The following LIMD1 variants were observed in gnomAD, a reference collection of about 807,000 sequenced individuals.
LIMD1 encodes LIM domain containing 1.
A neutral mutation model predicts 58.4 loss-of-function variants in LIMD1; 23 were observed. That is an observed-to-expected ratio of 0.39 (90% confidence interval 0.28 to 0.56). The LOEUF is 0.56. LIMD1 is among the 20% of genes least tolerant of loss of function. LIMD1 has a pLI of 0.57. For missense variants in LIMD1, 838 were observed against 855.5 expected, an observed-to-expected ratio of 0.98 and a Z score of 0.25; for synonymous variants, 334 against 345.5, an observed-to-expected ratio of 0.97 and a Z score of 0.37.
In LIMD1 at chr3:45,594,961, C is replaced by T; in HGVS notation, c.82C>T (p.Leu28Phe). Residue 28 changes from leucine (L) to phenylalanine (F), a missense_variant, in exon 1 of 8, where the codon CTC (leucine) becomes TTC (phenylalanine). By Grantham distance (22) the Leu-to-Phe change is conservative. This residue lies in a region of LIMD1 where 659 missense variants were observed against 639.8 expected (regional missense o/e 1.03). Coordinates refer to ENST00000273317, the MANE Select transcript of LIMD1 (RefSeq NM_014240.3). ...CATGTATGAGGCCTCTAAGGATGGGCTCTTCCGAGTGGACAAGGGTGCAGG... is the reference window on the plus strand; with the variant it reads ...CATGTATGAGGCCTCTAAGGATGGGTTCTTCCGAGTGGACAAGGGTGCAGG... ...LNMYEASKDG[L>F]FRVDKGAGNN... is the part of the protein sequence containing the mutation. 1 of 1,613,788 alleles carries T rather than the reference C, an allele frequency of 6.2e-7. No homozygotes were observed. The highest frequency in any genetic ancestry group is 8.5e-7 in the Non-Finnish European group (1 of 1,180,022).
At chr3:45,645,902 A>G (rs1203367659) in intron 2 of LIMD1, among the ~76,000 whole-genome samples, 1 of 151,796 alleles carries the variant, frequency 6.6e-6, no homozygotes, top group Non-Finnish European at 1.5e-5. Context: ...GTTGCCCATC[A>G]GTGGATCCAT....
intron 1 of LIMD1, among the ~76,000 whole-genome samples, chr3:45,621,214 C>T (rs544928835): frequency 1.3e-5 from 2 of 152,088 alleles, no homozygotes; most frequent in Admixed American, 1.3e-4. Context: ...CCTCCCCTCC[C>T]CTCTCTTTTT....
intron 1 of LIMD1, among the ~76,000 whole-genome samples, chr3:45,632,239 C>T (rs917243939): frequency 7.2e-5 from 11 of 152,192 alleles, no homozygotes; most frequent in South Asian, 4.1e-4. Flanking sequence ...AGGGGACTTA[C>T]GATGGGTAAT....
At chr3:45,604,791 G>T (rs1008806461) in intron 1 of LIMD1, among the ~76,000 whole-genome samples, 4 of 152,166 alleles carry the variant, frequency 2.6e-5, no homozygotes, top group African/African-American at 9.7e-5. Flanking sequence ...CACAGCGTCT[G>T]CCTGTCCCGT....
At chr3:45,610,219 A>C (rs1405562938) in intron 1 of LIMD1, among the ~76,000 whole-genome samples, 1 of 151,794 alleles carries the variant, frequency 6.6e-6, no homozygotes, top group Non-Finnish European at 1.5e-5. Context: ...ATATGTGTAC[A>C]CTCTGGCCAG....
At chr3:45,597,524 T>C (rs997684499) in intron 1 of LIMD1, among the ~76,000 whole-genome samples, 10 of 152,184 alleles carry the variant, frequency 6.6e-5, no homozygotes, top group African/African-American at 2.4e-4. Flanking sequence ...TTGCACGAGG[T>C]TTAGTGGTAG....
Position 45,685,247 on chromosome 3 carries a change from G to A in LIMD1, c.*8188G>A, listed in dbSNP as rs909273507. On this transcript the variant is annotated 3_prime_UTR_variant, in exon 8 of 8. Transcript: ENST00000273317. ...ATTGGTTTCCTTGGAATCTGATTTT[G>A]GCTTGTTTGGCCTTTAAAAACCCCA... 2.0e-5 allele frequency: 3 copies of A among 152,140 alleles called. No individual in the cohort carries two copies. Among genetic ancestry groups the A allele is most frequent in the African/African-American group, 4.8e-5 (2 of 41,424 alleles). 9.4% of individuals were successfully genotyped at this position (152,140 alleles called of 1,614,324 possible). A position where few individuals can be genotyped will look rare whatever the true frequency, so the allele number is the denominator to read the frequency against.
chr3:45,649,570 A>G (rs554228760), intron 2 of LIMD1, among the ~76,000 whole-genome samples: 308 of 150,890 alleles, frequency 2.0e-3, no homozygotes, highest in African/African-American at 6.9e-3. Context: ...AGTCCCAGCT[A>G]CTGGCGAGGC....
intron 2 of LIMD1, among the ~76,000 whole-genome samples, chr3:45,649,313 G>A (rs1009175373): frequency 6.6e-6 from 1 of 151,304 alleles, no homozygotes; most frequent in Non-Finnish European, 1.5e-5. Flanking sequence ...TTTCTTTTTC[G>A]TATGCTGATT....
intron 2 of LIMD1, among the ~76,000 whole-genome samples, chr3:45,660,405 C>CTT (rs869301368): frequency 0.033 from 2,639 of 79,978 alleles, 186 homozygotes; most frequent in African/African-American, 0.11. Flanking sequence ...GGTGGGCTGT[C>CTT]TTTTTTTTTT....
chr3:45,635,854 C>T (rs924593503), intron 1 of LIMD1: 31 of 982,786 alleles, frequency 3.2e-5, no homozygotes, highest in Admixed American at 6.2e-5. Context: ...TGGGAACCTT[C>T]GAAAGCTTTG....
chr3:45,640,526 C>T (rs1247137671), intron 2 of LIMD1, among the ~76,000 whole-genome samples: 1 of 152,132 alleles, frequency 6.6e-6, no homozygotes, highest in African/African-American at 2.4e-5. Context: ...CTCCCGGGTT[C>T]AAGCGATTCT....
chr3:45,595,971 G>A lies in LIMD1; in HGVS notation c.1092G>A (p.Ala364=), dbSNP rs201935261. The A allele has an allele frequency of 2.1e-4, 344 of 1,614,100 alleles. No individual in the cohort carries two copies. Among genetic ancestry groups the A allele is most frequent in the Non-Finnish European group, 2.6e-4 (309 of 1,180,044 alleles). ...GTCTGGACGGTTCACAGCAGGGTGCGGTCCCTGGGCTGGGGCCGAAGCCTG... is the reference window on the plus strand; with the variant it reads ...GTCTGGACGGTTCACAGCAGGGTGCAGTCCCTGGGCTGGGGCCGAAGCCTG... ...PAGLDGSQQG[A]VPGLGPKPGC... The change falls in exon 1 of 8, where the codon GCG becomes GCA. Residue 364 remains alanine, a synonymous_variant. Transcript: ENST00000273317.
At chr3:45,647,343 C>T (rs185922339) in intron 2 of LIMD1, among the ~76,000 whole-genome samples, 145 of 152,302 alleles carry the variant, frequency 9.5e-4, no homozygotes, top group African/African-American at 3.3e-3. Context: ...GGGAAGTGAA[C>T]TCTTACCATG....
chr3:45,646,337 G>A (rs149033497), intron 2 of LIMD1, among the ~76,000 whole-genome samples: 2 of 152,356 alleles, frequency 1.3e-5, no homozygotes, highest in African/African-American at 4.8e-5. Flanking sequence ...TCTGCCTGCA[G>A]AGATCCTGAT....
chr3:45,656,970 G>C (rs1327443032), intron 2 of LIMD1, among the ~76,000 whole-genome samples: 2 of 152,198 alleles, frequency 1.3e-5, no homozygotes, highest in Non-Finnish European at 2.9e-5. Flanking sequence ...CCTAGTGGCG[G>C]TTGGGTGCTC....
intron 2 of LIMD1, among the ~76,000 whole-genome samples, chr3:45,663,273 A>G (rs1379283764): frequency 2.0e-5 from 3 of 152,150 alleles, no homozygotes; most frequent in Non-Finnish European, 4.4e-5. Context: ...GAACATCCAT[A>G]CATGTCTGTC....
chr3:45,655,139 C>T (rs182555451), intron 2 of LIMD1, among the ~76,000 whole-genome samples: 29 of 152,100 alleles, frequency 1.9e-4, no homozygotes, highest in African/African-American at 6.7e-4. Flanking sequence ...AAGCTGGTGT[C>T]GAACTCCTGA....
chr3:45,619,861 G>A (rs1317296908), intron 1 of LIMD1, among the ~76,000 whole-genome samples: 1 of 117,988 alleles, frequency 8.5e-6, no homozygotes, highest in Non-Finnish European at 1.6e-5. Context: ...ATTTTACTGG[G>A]CATCCTATAT....
Sources: allele counts gnomAD v4.1 joint callset (sites outside exome capture counted in the v4.1 genomes callset), GRCh38; gene constraint gnomAD v4.1.1; regional missense constraint gnomAD v4.1.1; transcripts MANE v1.5; gene names NCBI Gene and HGNC (gene_info 2026-07-23, HGNC 2026-07-21).